Variants in SLC25A38 observed in about 807,000 individuals in gnomAD.
SLC25A38 encodes mitochondrial glycine transporter.
A neutral mutation model predicts 33.4 loss-of-function variants in SLC25A38; 27 were observed. The observed-to-expected ratio is 0.81, with a 90% CI of 0.60 to 1.11. The LOEUF is 1.11. SLC25A38 is among the 50% of genes most tolerant of loss of function. The pLI, the probability that SLC25A38 is intolerant of heterozygous loss-of-function variation, is 0.00. For missense variants in SLC25A38, 344 were observed against 388.8 expected, an observed-to-expected ratio of 0.88 and a Z score of 0.97; for synonymous variants, 123 against 145.9, an observed-to-expected ratio of 0.84 and a Z score of 1.13.
intron 5 of SLC25A38, among the ~76,000 whole-genome samples, chr3:39,392,948 C>G (rs2041789258): frequency 6.6e-6 from 1 of 152,190 alleles, no homozygotes; most frequent in South Asian, 2.1e-4. Flanking sequence ...TTAAAAATTT[C>G]TGAGGCCCAT....
intron 1 of SLC25A38, among the ~76,000 whole-genome samples, chr3:39,384,156 C>G (rs1418782206): frequency 1.3e-5 from 2 of 152,220 alleles, no homozygotes; most frequent in African/African-American, 4.8e-5. Context: ...GTCACAAGGC[C>G]TGATAATAGC....
chr3:39,396,249 C>G, intron 6 of SLC25A38, 149 bp from the exon 7 acceptor site: 1 of 1,338,682 alleles, frequency 7.5e-7, no homozygotes, highest in Non-Finnish European at 1.1e-6. Flanking sequence ...TTGGTTGTCT[C>G]CTTGGACCCA....
rs2041669640 is a variant in SLC25A38 at position 39,383,457 on chromosome 3, G to A, written c.-268G>A. 2 of 523,118 alleles carry A rather than the reference G, an allele frequency of 3.8e-6. No homozygotes were observed. Among genetic ancestry groups the A allele is most frequent in the Non-Finnish European group, 6.9e-6 (2 of 288,790 alleles). 32.4% of individuals were successfully genotyped at this position (523,118 alleles called of 1,614,324 possible). A position where few individuals can be genotyped will look rare whatever the true frequency, so the allele number is the denominator to read the frequency against. Reference sequence around the variant, plus strand: ...AGCCTGCAGCAGGGCAGGATGGGCAGGAGAGCAGAGCCGCGGAGTCTGCGG... The same window carrying A: ...AGCCTGCAGCAGGGCAGGATGGGCAAGAGAGCAGAGCCGCGGAGTCTGCGG... On this transcript the variant is annotated 5_prime_UTR_variant, in exon 1 of 7. Coordinates refer to ENST00000650617, the MANE Select transcript of SLC25A38 (RefSeq NM_017875.4).
chr3:39,383,898 G>C, intron 1 of SLC25A38, 105 bp downstream of exon 1: 1 of 1,282,190 alleles, frequency 7.8e-7, no homozygotes, highest in African/African-American at 1.5e-5. Flanking sequence ...GCGCCCCAGG[G>C]TGCGCTCAGG....
At chr3:39,392,053 A>G (rs758581146) in intron 5 of SLC25A38, 32 bp downstream of exon 5, 5 of 1,613,390 alleles carry the variant, frequency 3.1e-6, no homozygotes, top group East Asian at 2.2e-5. Context: ...GGGAAGAGCT[A>G]TCCTTGAGAC....
chr3:39,390,334 A>G lies in SLC25A38; in HGVS notation c.192-89A>G, dbSNP rs895430389. On this transcript the variant is annotated intron_variant, in intron 2 of 6. Transcript: ENST00000650617. ...TGTTAAGTGTCCTAAAAATGAGTCT[A>G]TAAAGGAAGTGTTTGAGTGGGGAAT... 18 of 1,305,760 alleles carry G rather than the reference A, an allele frequency of 1.4e-5. No individual in the cohort carries two copies. The African/African-American group carries it at 1.9e-4, about 14-fold the overall frequency. 80.9% of individuals were successfully genotyped at this position (1,305,760 alleles called of 1,614,324 possible). A position where few individuals can be genotyped will look rare whatever the true frequency, so the allele number is the denominator to read the frequency against.
Position 39,389,302 on chromosome 3 carries a change from A to G in SLC25A38, c.70-193A>G, listed in dbSNP as rs1214764347. ...ACCAGAGATACCTCTTGCAGCATCC[A>G]ATGTCCTCAATAACATTGCAGTATT... On this transcript the variant is annotated intron_variant, in intron 1 of 6. Coordinates refer to ENST00000650617, the MANE Select transcript of SLC25A38 (RefSeq NM_017875.4). This position sits in a 1 kb window ranked among gnomAD's most constrained non-coding sequence, Gnocchi z 4.5. 1.2e-6 allele frequency: 1 copy of G among 847,182 alleles called. No homozygotes were observed. Among genetic ancestry groups the G allele is most frequent in the African/African-American group, 1.7e-5 (1 of 59,904 alleles). 52.5% of individuals were successfully genotyped at this position (847,182 alleles called of 1,614,324 possible). A position where few individuals can be genotyped will look rare whatever the true frequency, so the allele number is the denominator to read the frequency against.
chr3:39,387,509 T>C (rs2041719241), intron 1 of SLC25A38, among the ~76,000 whole-genome samples: 2 of 152,188 alleles, frequency 1.3e-5, no homozygotes, highest in Non-Finnish European at 2.9e-5. Flanking sequence ...GAGTTTTATG[T>C]GTCTCTGAGG....
At chr3:39,388,838 C>T (rs6791076) in intron 1 of SLC25A38, among the ~76,000 whole-genome samples, 3,889 of 152,214 alleles carry the variant, frequency 0.026, 174 homozygotes, top group African/African-American at 0.089. Context: ...GAAGGAGTTC[C>T]ACCCTTCCAG....
chr3:39,389,262 A>G lies in SLC25A38; in HGVS notation c.70-233A>G, dbSNP rs2041734695. ...TTTGCTCCCACTGAGCAATATGTCTATCAGCAATACGAAGACCAGAGATAC... is the reference window on the plus strand; with the variant it reads ...TTTGCTCCCACTGAGCAATATGTCTGTCAGCAATACGAAGACCAGAGATAC... On this transcript the variant is annotated intron_variant, in intron 1 of 6. Coordinates refer to ENST00000650617, the MANE Select transcript of SLC25A38 (RefSeq NM_017875.4). This position sits in a 1 kb window ranked among gnomAD's most constrained non-coding sequence, Gnocchi z 4.5. 4.2e-6 allele frequency: 3 copies of G among 720,798 alleles called. No homozygotes were observed. The highest frequency in any genetic ancestry group is 3.5e-5 in the African/African-American group (2 of 57,566). The allele number at this position is 720,798 out of a possible 1,614,324, so 44.7% of individuals were successfully genotyped here.
In SLC25A38 at chr3:39,389,374, C is replaced by A; in HGVS notation, c.70-121C>A. 1 of 1,504,778 alleles carries A rather than the reference C, an allele frequency of 6.6e-7. No individual in the cohort carries two copies. The highest frequency in any genetic ancestry group is 9.2e-7 in the Non-Finnish European group (1 of 1,086,976). 93.2% of individuals were successfully genotyped at this position (1,504,778 alleles called of 1,614,324 possible). A position where few individuals can be genotyped will look rare whatever the true frequency, so the allele number is the denominator to read the frequency against. ...TTCCTTCTCCGAGGTATGAAGAAAA[C>A]ATGAGGCACCACCAGGTAAGTGTCT... On this transcript the variant is annotated intron_variant, in intron 1 of 6. Coordinates refer to ENST00000650617, the MANE Select transcript of SLC25A38 (RefSeq NM_017875.4). The surrounding 1 kb of genome is among the most constrained non-coding windows in gnomAD (Gnocchi z 4.5).
chr3:39,391,325 C>T (rs1404052374), intron 3 of SLC25A38, 116 bp from the exon 4 acceptor site: 3 of 1,429,350 alleles, frequency 2.1e-6, no homozygotes, highest in Admixed American at 1.7e-5. Context: ...TCCTTCCACA[C>T]CTTAAACAAA....
intron 1 of SLC25A38, among the ~76,000 whole-genome samples, chr3:39,385,132 C>A (rs745663429): frequency 6.6e-6 from 1 of 152,130 alleles, no homozygotes; most frequent in East Asian, 1.9e-4. Flanking sequence ...TAAGTTCACT[C>A]GCAAAGGATG....
At chr3:39,384,461 G>A (rs953990902) in intron 1 of SLC25A38, 1 of 381,618 alleles carries the variant, frequency 2.6e-6, no homozygotes, top group African/African-American at 2.1e-5. Context: ...CACTGCAGCT[G>A]CCGCAGCTCT....
chr3:39,386,230 T>C (rs1298332164), intron 1 of SLC25A38, among the ~76,000 whole-genome samples: 2 of 152,192 alleles, frequency 1.3e-5, no homozygotes, highest in African/African-American at 4.8e-5. Context: ...CACAAAACAT[T>C]ATCTTTCATT....
Position 39,396,613 on chromosome 3 carries a change from C to T in SLC25A38, c.*93C>T. ...TTACTATTCTGCAGTAAGATGAAGTCCTACCTGGAAAACCAGGCAGAAATT... is the reference window on the plus strand; with the variant it reads ...TTACTATTCTGCAGTAAGATGAAGTTCTACCTGGAAAACCAGGCAGAAATT... On this transcript the variant is annotated 3_prime_UTR_variant, in exon 7 of 7. Coordinates refer to ENST00000650617, the MANE Select transcript of SLC25A38 (RefSeq NM_017875.4). The T allele has an allele frequency of 6.2e-7, 1 of 1,603,096 alleles. No homozygotes were observed. Among genetic ancestry groups the T allele is most frequent in the South Asian group, 1.1e-5 (1 of 90,452 alleles).
At position 39,391,611 on chromosome 3, in the gene SLC25A38, G is replaced by A. The variant is rs556718163; in HGVS notation, c.447G>A (p.Thr149=). ...TGTCACCTATCACTGTAATCAAGACGCGCTATGAGGTGAGTTCAACCACTT... is the reference window on the plus strand; with the variant it reads ...TGTCACCTATCACTGTAATCAAGACACGCTATGAGGTGAGTTCAACCACTT... ...VCMSPITVIK[T]RYESGKYGYE... The change falls in exon 4 of 7, where the codon ACG becomes ACA. Residue 149 remains threonine (T), a synonymous_variant. Coordinates refer to ENST00000650617, the MANE Select transcript of SLC25A38 (RefSeq NM_017875.4). 80 of 1,614,176 alleles carry A rather than the reference G, an allele frequency of 5.0e-5. No homozygotes were observed. The highest frequency in any genetic ancestry group is 3.3e-4 in the Middle Eastern group (2 of 6,062).
rs45503293 is a variant in SLC25A38 at position 39,391,294 on chromosome 3, C to T, written c.277-147C>T. Reference sequence around the variant, plus strand: ...GACTGCCTTCTCTCCTATCTCATGTCCCCCACTTCCCTATTGGTGTTCCTT... The same window carrying T: ...GACTGCCTTCTCTCCTATCTCATGTTCCCCACTTCCCTATTGGTGTTCCTT... On this transcript the variant is annotated intron_variant, in intron 3 of 6. Transcript: ENST00000650617. 154,009 of 1,085,456 alleles carry T rather than the reference C, an allele frequency of 0.14. 12,235 individuals carry two copies. Among genetic ancestry groups the T allele is most frequent in the African/African-American group, 0.18 (11,713 of 64,854 alleles). 67.2% of individuals were successfully genotyped at this position (1,085,456 alleles called of 1,614,324 possible). A position where few individuals can be genotyped will look rare whatever the true frequency, so the allele number is the denominator to read the frequency against.
rs2041734384 is a variant in SLC25A38 at position 39,389,235 on chromosome 3, G to A, written c.70-260G>A. The A allele has an allele frequency of 1.5e-6, 1 of 685,256 alleles. No homozygotes were observed. The highest frequency in any genetic ancestry group is 2.1e-5 in the Admixed American group (1 of 48,460). The allele number at this position is 685,256 out of a possible 1,614,324, so 42.4% of individuals were successfully genotyped here. On this transcript the variant is annotated intron_variant, in intron 1 of 6. Coordinates refer to ENST00000650617, the MANE Select transcript of SLC25A38 (RefSeq NM_017875.4). The surrounding 1 kb of genome is among the most constrained non-coding windows in gnomAD (Gnocchi z 4.5). Reference sequence around the variant, plus strand: ...AAGAGTGGTCAGTGGCATGGAAATAGTTTTGCTCCCACTGAGCAATATGTC... The same window carrying A: ...AAGAGTGGTCAGTGGCATGGAAATAATTTTGCTCCCACTGAGCAATATGTC...
Sources: gnomAD v4.1 joint callset for allele counts (sites outside exome capture counted in the v4.1 genomes callset) on GRCh38, gnomAD v4.1.1 for gene constraint, Gnocchi (gnomAD v3.1) non-coding constraint, MANE v1.5 for transcripts, NCBI Gene and HGNC (gene_info 2026-07-23, HGNC 2026-07-21) for gene names.